TEP1: variants seen among roughly 807,000 people sequenced by gnomAD.
The protein encoded by TEP1 is telomerase associated protein 1, also known as telomerase protein component 1.
TEP1 carries 241 observed loss-of-function variants against 306.3 expected under a neutral mutation model. The observed-to-expected ratio is 0.79, with a 90% CI of 0.71 to 0.88. The LOEUF (loss-of-function observed/expected upper bound fraction) is 0.88. Among genes scored for constraint, TEP1 ranks in the 40% least tolerant of loss-of-function variants. The pLI is 0.00. For synonymous variants in TEP1, 1,289 were observed against 1,305.5 expected (o/e 0.99, Z 0.27); for missense variants, 3,051 against 3,276.1 (o/e 0.93, Z 1.68).
At chr14:20,375,990 A>G (rs1044804034) in intron 42 of TEP1, 114 bp downstream of exon 42, 2 of 1,490,928 alleles carry the variant, frequency 1.3e-6, no homozygotes, top group African/African-American at 2.8e-5. Context: ...AGACAGATCT[A>G]TACTAGATTT....
In TEP1 at chr14:20,368,825, C is replaced by T; in HGVS notation, c.7734G>A (p.Lys2578=). 1 of 1,613,158 alleles carries T rather than the reference C, an allele frequency of 6.2e-7. No individual in the cohort carries two copies. Among genetic ancestry groups the T allele is most frequent in the Non-Finnish European group, 8.5e-7 (1 of 1,179,830 alleles). Residue 2578 remains lysine (K), a synonymous_variant, in exon 54 of 55, where the codon AAG becomes AAA. Transcript: ENST00000262715. ...GCTGCATACTGGGTCTCTCCCATAG[C>T]TTAACATCTCTGTCCTTCGAAGCTG... ...LVTASKDRDV[K]LWERPSMQLL...
chr14:20,371,278 G>A lies in TEP1; in HGVS notation c.7257C>T (p.Thr2419=), dbSNP rs140013777. 317 of 1,614,018 alleles carry A rather than the reference G, an allele frequency of 2.0e-4. No individual in the cohort carries two copies. The highest frequency in any genetic ancestry group is 1.7e-4 in the Non-Finnish European group (196 of 1,180,024). ...GGACAAATATGCCATACTCCTTGTGGGTGGACAATATCATAGGATTTTCTG... is the reference window on the plus strand; with the variant it reads ...GGACAAATATGCCATACTCCTTGTGAGTGGACAATATCATAGGATTTTCTG... ...SYTENPMILS[T]HKEYGIFVLQ... Residue 2419 remains threonine (T), a synonymous_variant, in exon 51 of 55, where the codon ACC becomes ACT. Transcript: ENST00000262715.
intron 1 of TEP1, among the ~76,000 whole-genome samples, chr14:20,411,168 T>A (rs778157113): frequency 6.6e-6 from 1 of 152,178 alleles, no homozygotes. Context: ...AAGGGCTCCT[T>A]TGTCTTGCTC....
intron 34 of TEP1, 53 bp from the exon 35 acceptor site, chr14:20,380,106 G>A: frequency 6.3e-7 from 1 of 1,593,936 alleles, no homozygotes; most frequent in Non-Finnish European, 8.5e-7. Context: ...ATGCAAACAG[G>A]AGTTGATTTA....
intron 17 of TEP1, among the ~76,000 whole-genome samples, chr14:20,388,459 G>C (rs535336908): frequency 0.04 from 5,921 of 149,736 alleles, 153 homozygotes; most frequent in South Asian, 0.088. Flanking sequence ...GGAAATGGAT[G>C]GTATCCAGAG....
At chr14:20,393,073 C>T (rs1474266826) in intron 12 of TEP1, among the ~76,000 whole-genome samples, 4 of 151,858 alleles carry the variant, frequency 2.6e-5, no homozygotes, top group Admixed American at 6.6e-5. Flanking sequence ...AAAAATTAGC[C>T]GGGCGTGGTG....
chr14:20,391,906 C>T, intron 12 of TEP1, 139 bp from the exon 13 acceptor site: 1 of 861,186 alleles, frequency 1.2e-6, no homozygotes, highest in Non-Finnish European at 1.8e-6. Flanking sequence ...ACAGCCCACT[C>T]CATTTCTGGT....
intron 38 of TEP1, 70 bp downstream of exon 38, chr14:20,378,310 G>C (rs1885321910): frequency 6.2e-7 from 1 of 1,611,428 alleles, no homozygotes; most frequent in African/African-American, 1.3e-5. Context: ...GAATGCTGCT[G>C]TCTGTCGTCT....
intron 12 of TEP1, among the ~76,000 whole-genome samples, chr14:20,392,559 T>A (rs1052542056): frequency 1.3e-5 from 2 of 152,170 alleles, no homozygotes; most frequent in Non-Finnish European, 2.9e-5. Context: ...TTCTTTGGGG[T>A]CCCTGAACCT....
chr14:20,410,802 G>GTTTTTTTTTTTTT (rs61662364), intron 1 of TEP1, among the ~76,000 whole-genome samples: 14 of 25,202 alleles, frequency 5.6e-4, no homozygotes, highest in East Asian at 1.2e-3. Flanking sequence ...CTCCTTTGTG[G>GTTTTTTTTTTTTT]TTTTTTTTTT....
chr14:20,391,816 C>A (rs1359226552), intron 12 of TEP1, 49 bp from the exon 13 acceptor site: 2 of 1,588,098 alleles, frequency 1.3e-6, no homozygotes, highest in East Asian at 2.3e-5. Flanking sequence ...CTTATCTGCC[C>A]CTTAGAGGCA....
intron 16 of TEP1, 130 bp downstream of exon 16, chr14:20,389,480 G>A: frequency 1.4e-6 from 2 of 1,481,412 alleles, no homozygotes; most frequent in Non-Finnish European, 1.9e-6. Context: ...CACCTGAAGT[G>A]CAACAGAGGT....
chr14:20,381,626 G>A lies in TEP1; in HGVS notation c.4485C>T (p.Pro1495=). The A allele has an allele frequency of 1.2e-6, 2 of 1,613,940 alleles. No individual in the cohort carries two copies. Among genetic ancestry groups the A allele is most frequent in the Non-Finnish European group, 1.7e-6 (2 of 1,179,974 alleles). The change falls in exon 31 of 55, where the codon CCC becomes CCT. Residue 1495 remains proline (P), a synonymous_variant. Coordinates refer to ENST00000262715, the MANE Select transcript of TEP1 (RefSeq NM_007110.5). This position sits in a 1 kb window ranked among gnomAD's most constrained non-coding sequence, Gnocchi z 4.0. ...PGARLCLPDG[P]LRTAAKRCYG... is the part of the protein sequence containing the mutation. Reference sequence around the variant, plus strand: ...AGCAACGTTTAGCTGCTGTTCTCAGGGGCCCATCAGGGAGGCACAGCCGGG... The same window carrying A: ...AGCAACGTTTAGCTGCTGTTCTCAGAGGCCCATCAGGGAGGCACAGCCGGG...
intron 9 of TEP1, among the ~76,000 whole-genome samples, chr14:20,400,497 CAA>C (rs71108598): frequency 0.22 from 18,359 of 83,308 alleles, 1,114 homozygotes; most frequent in Non-Finnish European, 0.32. Context: ...AAAAGTAGAC[CAA>C]AAAAAAAAAA....
chr14:20,380,604 A>C, intron 33 of TEP1, 129 bp from the exon 34 acceptor site: 2 of 1,383,748 alleles, frequency 1.4e-6, no homozygotes, highest in Non-Finnish European at 1.9e-6. Flanking sequence ...TATATCAGGA[A>C]TATCTCTTAA....
chr14:20,385,585 C>G (rs530828217), intron 20 of TEP1, among the ~76,000 whole-genome samples: 1 of 152,282 alleles, frequency 6.6e-6, no homozygotes, highest in Non-Finnish European at 1.5e-5. Flanking sequence ...GTTGGCCAGG[C>G]TGGTCTCAAA....
chr14:20,391,075 G>A lies in TEP1; in HGVS notation c.2119C>T (p.Leu707=). ...PQGPPLNYAL[L]LIGMMITRAE... Reference sequence around the variant, plus strand: ...CTCGTGATCATCATCCCAATCAACAGCAGTGCATAGTTCAGCGGGGGCTGA... The same window carrying A: ...CTCGTGATCATCATCCCAATCAACAACAGTGCATAGTTCAGCGGGGGCTGA... The change falls in exon 14 of 55, where the codon CTG becomes TTG. Residue 707 remains leucine (L), a synonymous_variant. Coordinates refer to ENST00000262715, the MANE Select transcript of TEP1 (RefSeq NM_007110.5). 6.2e-7 allele frequency: 1 copy of A among 1,614,164 alleles called. No homozygotes were observed. The highest frequency in any genetic ancestry group is 8.5e-7 in the Non-Finnish European group (1 of 1,180,042).
In TEP1 at chr14:20,373,125, A is replaced by T. The variant is rs775240421; in HGVS notation, c.6837T>A (p.Ser2279Arg). 81 of 1,613,934 alleles carry T rather than the reference A, an allele frequency of 5.0e-5. No individual in the cohort carries two copies. The highest frequency in any genetic ancestry group is 6.7e-5 in the Non-Finnish European group (79 of 1,180,036). The change falls in exon 48 of 55, where the codon AGT (serine) becomes AGA (arginine). Residue 2279 changes from serine to arginine, a missense_variant. Around this residue, in one of 3 missense-constraint regions of TEP1, gnomAD observed 1,540 missense variants for 1,705.9 expected, o/e 0.90. Coordinates refer to ENST00000262715, the MANE Select transcript of TEP1 (RefSeq NM_007110.5). ...KEADDTCIPR[S>R]SAAVTAVAWA... ...AAGCCACAGCAGTGACGGCTGCAGA[A>T]CTCCTTGGTATACATGTGTCATCTG...
intron 24 of TEP1, 45 bp downstream of exon 24, chr14:20,383,991 CCA>C: frequency 6.3e-7 from 1 of 1,585,058 alleles, no homozygotes; most frequent in South Asian, 1.2e-5. Context: ...CCTCCTTAGC[CCA>C]CACAGCCTTC....
Sources: gnomAD v4.1 joint callset for allele counts (sites outside exome capture counted in the v4.1 genomes callset) on GRCh38, gnomAD v4.1.1 for gene constraint, gnomAD v4.1.1 regional missense constraint, Gnocchi (gnomAD v3.1) non-coding constraint, MANE v1.5 for transcripts, NCBI Gene and HGNC (gene_info 2026-07-23, HGNC 2026-07-21) for gene names.